The following DCC variants were observed in gnomAD, a reference collection of about 807,000 sequenced individuals.
DCC encodes DCC netrin 1 receptor, also known as netrin receptor DCC.
A neutral mutation model predicts 172.5 loss-of-function variants in DCC; 58 were observed. The observed-to-expected ratio is 0.34, with a 90% confidence interval of 0.27 to 0.42. The LOEUF (loss-of-function observed/expected upper bound fraction) is 0.42, where lower values mean the gene tolerates loss of function less well. DCC is among the 10% of genes least tolerant of loss of function. The pLI is 1.00. For synonymous variants in DCC, 709 were observed against 644.5 expected (o/e 1.10, Z -1.52); for missense variants, 1,740 against 1,791.0 (o/e 0.97, Z 0.51).
chr18:53,477,668 G>A (rs533720787), intron 25 of DCC, among the ~76,000 whole-genome samples: 3 of 152,286 alleles, frequency 2.0e-5, no homozygotes, highest in African/African-American at 7.2e-5. Context: ...ATCTGAAGTT[G>A]TATTTTGGCT....
At chr18:52,638,713 CAGAAATGAGAT>C (rs1470759923) in intron 1 of DCC, among the ~76,000 whole-genome samples, 3 of 151,874 alleles carry the variant, frequency 2.0e-5, no homozygotes, top group Admixed American at 6.6e-5. Flanking sequence ...ATGAGATAGA[CAGAAATGAGAT>C]AGAAATGAGA....
At chr18:52,906,887 A>G (rs1478510291) in intron 3 of DCC, among the ~76,000 whole-genome samples, 1 of 151,768 alleles carries the variant, frequency 6.6e-6, no homozygotes, top group Non-Finnish European at 1.5e-5. Flanking sequence ...GCATCTAGAG[A>G]TGAATGGCAA....
intron 1 of DCC, among the ~76,000 whole-genome samples, chr18:52,489,645 GA>G (rs2030404878): frequency 6.6e-6 from 1 of 152,038 alleles, no homozygotes; most frequent in South Asian, 2.1e-4. Flanking sequence ...ATCCACAATG[GA>G]TAGATATTTG....
chr18:52,684,879 TAA>T (rs2035804502), intron 1 of DCC, among the ~76,000 whole-genome samples: 1 of 152,174 alleles, frequency 6.6e-6, no homozygotes, highest in African/African-American at 2.4e-5. Context: ...ATATTTATTT[TAA>T]AAGTTTAAAT....
chr18:53,402,401 A>ATAAATAAAT (rs200912889), intron 18 of DCC, among the ~76,000 whole-genome samples: 2 of 144,784 alleles, frequency 1.4e-5, no homozygotes, highest in East Asian at 4.0e-4. Context: ...AAAAAAAAAA[A>ATAAATAAAT]AAATAAATAA....
At chr18:53,096,096 G>A (rs2043083891) in intron 7 of DCC, among the ~76,000 whole-genome samples, 1 of 151,918 alleles carries the variant, frequency 6.6e-6, no homozygotes, top group Non-Finnish European at 1.5e-5. Context: ...CGTGGCACAT[G>A]TATACATATG....
chr18:53,047,422 A>C (rs2144024595), intron 5 of DCC, among the ~76,000 whole-genome samples: 1 of 74,478 alleles, frequency 1.3e-5, no homozygotes, highest in African/African-American at 4.9e-5. Context: ...TGTATTATAT[A>C]TTTTACATAT....
At chr18:53,284,791 G>A (rs188125922) in intron 12 of DCC, among the ~76,000 whole-genome samples, 21 of 152,164 alleles carry the variant, frequency 1.4e-4, no homozygotes, top group Non-Finnish European at 2.9e-4. Flanking sequence ...TTGTTAAGTG[G>A]CTTTGACCAA....
At chr18:52,873,140 A>T (rs2039348124) in intron 2 of DCC, among the ~76,000 whole-genome samples, 1 of 152,172 alleles carries the variant, frequency 6.6e-6, no homozygotes, top group African/African-American at 2.4e-5. Context: ...CCTTCCCACA[A>T]GTCTCATCCA....
intron 8 of DCC, among the ~76,000 whole-genome samples, chr18:53,175,600 C>G (rs1416157719): frequency 6.6e-6 from 1 of 150,688 alleles, no homozygotes; most frequent in Non-Finnish European, 1.5e-5. Flanking sequence ...GAATAAAATA[C>G]CTAGGAATCC....
chr18:53,511,614 G>A lies in DCC; in HGVS notation c.4111+12104G>A, dbSNP rs951785618. ...GTCAGTGGGTGCGCACACCGTGCGCGAGCCAAAGCAGGGCGAGGCATTGCG... is the reference window on the plus strand; with the variant it reads ...GTCAGTGGGTGCGCACACCGTGCGCAAGCCAAAGCAGGGCGAGGCATTGCG... On this transcript the variant is annotated intron_variant, in intron 27 of 28. Transcript: ENST00000442544. Among the ~76,000 whole-genome samples the A allele has an allele frequency of 2.6e-5, 4 of 152,186 alleles. No homozygotes were observed. The South Asian group carries it at 6.2e-4, about 24-fold the overall frequency.
At chr18:53,180,452 A>G (rs755324845) in intron 9 of DCC, among the ~76,000 whole-genome samples, 11 of 152,338 alleles carry the variant, frequency 7.2e-5, no homozygotes, top group Admixed American at 1.3e-4. Flanking sequence ...TTTGCAAAAT[A>G]AAAACACAGG....
rs114722937 is a variant in DCC, at chr18:52,930,990, A to G, written c.985+5620A>G. Among the ~76,000 whole-genome samples the G allele has an allele frequency of 7.2e-3, 1,082 of 150,154 alleles. 15 individuals carry two copies. Among genetic ancestry groups the G allele is most frequent in the African/African-American group, 0.025 (1,016 of 41,042 alleles). Reference sequence around the variant, plus strand: ...AAAATAGTGATATGTTTATATTTTGAGTTTTCATGGTCTTGGTTCTTTTTG... The same window carrying G: ...AAAATAGTGATATGTTTATATTTTGGGTTTTCATGGTCTTGGTTCTTTTTG... On this transcript the variant is annotated intron_variant, in intron 5 of 28. Transcript: ENST00000442544.
chr18:52,867,617 G>A (rs1489831244), intron 2 of DCC, among the ~76,000 whole-genome samples: 1 of 151,934 alleles, frequency 6.6e-6, no homozygotes, highest in Non-Finnish European at 1.5e-5. Context: ...TTGGGAGGGC[G>A]TATATGTCCA....
intron 19 of DCC, among the ~76,000 whole-genome samples, chr18:53,405,320 T>G (rs1443723980): frequency 6.6e-6 from 1 of 152,098 alleles, no homozygotes; most frequent in Non-Finnish European, 1.5e-5. Flanking sequence ...TGGCAGGCAG[T>G]AGAGCAGGAT....
At chr18:52,916,761 T>G (rs1433209907) in intron 3 of DCC, among the ~76,000 whole-genome samples, 4 of 152,144 alleles carry the variant, frequency 2.6e-5, no homozygotes, top group African/African-American at 9.7e-5. Context: ...GCTATCAAAG[T>G]ACACCTCCCT....
At chr18:53,090,200 C>G (rs1568298015) in intron 7 of DCC, among the ~76,000 whole-genome samples, 1 of 152,118 alleles carries the variant, frequency 6.6e-6, no homozygotes, top group Non-Finnish European at 1.5e-5. Flanking sequence ...GGAAGAAATA[C>G]AAGAAAATGT....
chr18:52,404,534 A>G (rs184017173), intron 1 of DCC, among the ~76,000 whole-genome samples: 2 of 149,982 alleles, frequency 1.3e-5, no homozygotes, highest in Non-Finnish European at 2.9e-5. Context: ...CCAAGGACAC[A>G]CACAGTAAAC....
At chr18:52,395,466 C>A (rs972027593) in intron 1 of DCC, among the ~76,000 whole-genome samples, 1 of 151,896 alleles carries the variant, frequency 6.6e-6, no homozygotes, top group Non-Finnish European at 1.5e-5. Context: ...GATGAAGAGA[C>A]TTTTAAACAG....
Sources: allele counts gnomAD v4.1 joint callset (sites outside exome capture counted in the v4.1 genomes callset), GRCh38; gene constraint gnomAD v4.1.1; transcripts MANE v1.5; gene names NCBI Gene and HGNC (gene_info 2026-07-23, HGNC 2026-07-21).